Variants in EYS observed in about 807,000 individuals in gnomAD.
EYS encodes the protein EGF-like photoreceptor maintenance factor.
Under a neutral mutation model 282.1 loss-of-function variants are expected in EYS, and 250 were observed. The observed-to-expected ratio is 0.89, with a 90% confidence interval of 0.80 to 0.98. The LOEUF is 0.98. EYS is among the 50% of genes least tolerant of loss of function. The pLI is 0.00. For missense variants in EYS, 4,016 were observed against 3,709.0 expected, an observed-to-expected ratio of 1.08 and a Z score of -2.15; for synonymous variants, 1,355 against 1,282.9, an observed-to-expected ratio of 1.06 and a Z score of -1.20.
At chr6:64,011,992 C>CTCTCT in intron 33 of EYS, among the ~76,000 whole-genome samples, 1 of 129,054 alleles carries the variant, frequency 7.7e-6, no homozygotes, top group South Asian at 2.7e-4. Flanking sequence ...TAAGTTTTTC[C>CTCTCT]TCTCCTCTCC....
chr6:64,473,790 T>C (rs953066675), intron 26 of EYS, among the ~76,000 whole-genome samples: 2 of 152,142 alleles, frequency 1.3e-5, no homozygotes, highest in Non-Finnish European at 2.9e-5. Flanking sequence ...TCTCACATAG[T>C]GTCATCTGTC....
intron 16 of EYS, among the ~76,000 whole-genome samples, chr6:64,907,695 C>T (rs1767874539): frequency 6.6e-6 from 1 of 152,072 alleles, no homozygotes. Flanking sequence ...AAAGAGAAGG[C>T]CTCTTCTCTC....
intron 1 of EYS, among the ~76,000 whole-genome samples, chr6:65,699,847 G>A (rs542534271): frequency 6.6e-6 from 1 of 152,052 alleles, no homozygotes; most frequent in East Asian, 1.9e-4. Context: ...GGGCGCGGTG[G>A]CTCACGCCTG....
intron 29 of EYS, among the ~76,000 whole-genome samples, chr6:64,371,479 G>A (rs990974931): frequency 2.0e-5 from 3 of 151,958 alleles, no homozygotes; most frequent in Non-Finnish European, 4.4e-5. Context: ...TCAGAAGAAG[G>A]CATATTCTGT....
At chr6:64,275,194 A>T (rs562594078) in intron 30 of EYS, among the ~76,000 whole-genome samples, 99 of 152,290 alleles carry the variant, frequency 6.5e-4, no homozygotes, top group Admixed American at 3.8e-3. Flanking sequence ...GTTTAGTCCA[A>T]ATTAAATCTG....
chr6:64,927,879 C>T (rs567325203), intron 15 of EYS, among the ~76,000 whole-genome samples: 12 of 151,724 alleles, frequency 7.9e-5, no homozygotes, highest in Non-Finnish European at 1.5e-4. Flanking sequence ...AAAAAAGTAT[C>T]GATGTTTTGA....
At chr6:64,025,710 G>A (rs528661352) in intron 33 of EYS, among the ~76,000 whole-genome samples, 7 of 152,236 alleles carry the variant, frequency 4.6e-5, no homozygotes, top group African/African-American at 7.2e-5. Flanking sequence ...AGCTGTTCCC[G>A]AAGCTAGGAT....
At chr6:65,165,521 T>C (rs1165780909) in intron 12 of EYS, among the ~76,000 whole-genome samples, 1 of 151,264 alleles carries the variant, frequency 6.6e-6, no homozygotes, top group Non-Finnish European at 1.5e-5. Context: ...ATTCCATTTC[T>C]TCATATGAAA....
chr6:65,258,254 GA>G (rs1274515700), intron 12 of EYS, among the ~76,000 whole-genome samples: 3 of 151,922 alleles, frequency 2.0e-5, no homozygotes, highest in African/African-American at 7.2e-5. Context: ...AAAGTGGGGG[GA>G]AAAATCCACT....
chr6:64,946,084 G>T (rs1384996021), intron 14 of EYS, among the ~76,000 whole-genome samples, 170 bp from the exon 15 acceptor site: 1 of 151,914 alleles, frequency 6.6e-6, no homozygotes, highest in African/African-American at 2.4e-5. Flanking sequence ...AAAAGCGTGT[G>T]AACAGTATTC....
At chr6:64,691,057 T>A (rs1495545) in intron 22 of EYS, among the ~76,000 whole-genome samples, 1 of 151,468 alleles carries the variant, frequency 6.6e-6, no homozygotes. Flanking sequence ...AATATATCAT[T>A]ACCTCAATAA....
intron 35 of EYS, among the ~76,000 whole-genome samples, chr6:63,970,590 A>G (rs774370879): frequency 1.3e-5 from 2 of 151,292 alleles, no homozygotes; most frequent in Non-Finnish European, 2.9e-5. Flanking sequence ...AGTCGAGATC[A>G]CACCGCTGCA....
chr6:64,906,919 GT>G (rs1476939431), intron 16 of EYS, among the ~76,000 whole-genome samples: 3 of 152,182 alleles, frequency 2.0e-5, no homozygotes, highest in Non-Finnish European at 2.9e-5. Context: ...TTCTTGACAT[GT>G]ATTTCTAGGC....
At position 64,591,559 on chromosome 6, in the gene EYS, A is replaced by C. The variant is rs1402137490; in HGVS notation, c.4308T>G (p.Ile1436Met). The C allele has an allele frequency of 3.2e-6, 5 of 1,551,298 alleles. No individual in the cohort carries two copies. The Admixed American group carries it at 7.8e-5, about 24-fold the overall frequency. ...AGAGTAATGACTGCCTGTTTAGCTC[A>C]ATATCAGCCCCTGGAATGCTTCTAA... ...SVIRSIPGAD[I>M]ELNRQSLLSR... Residue 1436 changes from isoleucine (I) to methionine (M), a missense_variant, in exon 26 of 43, where the codon ATT becomes ATG. Coordinates refer to ENST00000503581, the MANE Select transcript of EYS (RefSeq NM_001142800.2).
chr6:65,298,242 G>A (rs1768720005), intron 11 of EYS, among the ~76,000 whole-genome samples: 1 of 151,968 alleles, frequency 6.6e-6, no homozygotes, highest in African/African-American at 2.4e-5. Context: ...GAGTAATATG[G>A]AAGTACTAGC....
intron 26 of EYS, among the ~76,000 whole-genome samples, chr6:64,490,418 C>A (rs1017029340): frequency 1.3e-5 from 2 of 150,760 alleles, no homozygotes; most frequent in African/African-American, 4.8e-5. Flanking sequence ...TCATACAAAT[C>A]AATATTTTAC....
At chr6:64,007,052 A>G (rs557478557) in intron 33 of EYS, among the ~76,000 whole-genome samples, 1 of 152,210 alleles carries the variant, frequency 6.6e-6, no homozygotes, top group Admixed American at 6.5e-5. Context: ...AACTTTTTGG[A>G]ATAGTTTCAG....
intron 31 of EYS, among the ~76,000 whole-genome samples, chr6:64,120,574 T>G (rs1251460506): frequency 2.0e-5 from 3 of 151,904 alleles, no homozygotes; most frequent in Admixed American, 2.0e-4. Context: ...TGTCATTGAA[T>G]TATGGCTTCC....
intron 12 of EYS, among the ~76,000 whole-genome samples, chr6:65,143,131 CCA>C (rs1398606771): frequency 6.6e-6 from 1 of 151,912 alleles, no homozygotes; most frequent in Non-Finnish European, 1.5e-5. Flanking sequence ...GTACTAGTGT[CCA>C]CACACCCGAG....
Sources: gnomAD v4.1 joint callset for allele counts (sites outside exome capture counted in the v4.1 genomes callset) on GRCh38, gnomAD v4.1.1 for gene constraint, MANE v1.5 for transcripts, NCBI Gene and HGNC (gene_info 2026-07-23, HGNC 2026-07-21) for gene names.